SUMO2: variants seen among roughly 807,000 people sequenced by gnomAD.
The protein encoded by SUMO2 is small ubiquitin like modifier 2.
A neutral mutation model predicts 16.0 loss-of-function variants in SUMO2; 1 was observed. The observed-to-expected ratio is 0.06, with a 90% confidence interval of 0.02 to 0.30. The LOEUF (loss-of-function observed/expected upper bound fraction) is 0.30. SUMO2 is among the 10% of genes least tolerant of loss of function. SUMO2 has a pLI of 1.00. For synonymous variants in SUMO2, 36 were observed against 40.6 expected, an observed-to-expected ratio of 0.89 and a Z score of 0.43; for missense variants, 16 against 117.5, an observed-to-expected ratio of 0.14 and a Z score of 3.99.
intron 2 of SUMO2, among the ~76,000 whole-genome samples, chr17:75,177,171 CA>C (rs55817377): frequency 0.083 from 9,231 of 111,514 alleles, 870 homozygotes; most frequent in African/African-American, 0.26. Flanking sequence ...ACTCTTGTCT[CA>C]AAAAAAAAAA....
intron 2 of SUMO2, among the ~76,000 whole-genome samples, chr17:75,176,765 A>T (rs2145222961): frequency 6.6e-6 from 1 of 152,244 alleles, no homozygotes; most frequent in East Asian, 1.9e-4. Flanking sequence ...TAAAAAACAC[A>T]CTTCAGGAGA....
At chr17:75,179,655 T>C (rs1432598925) in intron 2 of SUMO2, among the ~76,000 whole-genome samples, 1 of 151,488 alleles carries the variant, frequency 6.6e-6, no homozygotes, top group African/African-American at 2.4e-5. Flanking sequence ...TCAAACATTC[T>C]AAAGTTTTTT....
chr17:75,171,847 T>C (rs950185712), intron 3 of SUMO2, among the ~76,000 whole-genome samples: 2 of 152,114 alleles, frequency 1.3e-5, no homozygotes, highest in African/African-American at 4.8e-5. Context: ...TTACTATTTC[T>C]TTTAAAACCA....
At chr17:75,176,080 G>A (rs117162506) in intron 2 of SUMO2, among the ~76,000 whole-genome samples, 2,353 of 151,564 alleles carry the variant, frequency 0.016, 35 homozygotes, top group Non-Finnish European at 0.025. Context: ...TCGCTCTGTC[G>A]CCCAGGCTGG....
In SUMO2 at chr17:75,168,118, T is replaced by G; in HGVS notation, c.*221A>C. ...ACTTGATGTCAATCAAAACATACCA[T>G]TGGCTGTTTAGTTAAAAAAAAAAAA... On this transcript the variant is annotated 3_prime_UTR_variant, in exon 4 of 4. Transcript: ENST00000420826. 1 of 395,056 alleles carries G rather than the reference T, an allele frequency of 2.5e-6. No individual in the cohort carries two copies. The highest frequency in any genetic ancestry group is 4.5e-6 in the Non-Finnish European group (1 of 224,524). The allele number at this position is 395,056 out of a possible 1,614,324, so 24.5% of individuals were successfully genotyped here. A position where few individuals can be genotyped will look rare whatever the true frequency, so the allele number is the denominator to read the frequency against.
chr17:75,182,708 G>C (rs1160882277), intron 1 of SUMO2, 106 bp downstream of exon 1: 3 of 1,024,448 alleles, frequency 2.9e-6, no homozygotes, highest in Non-Finnish European at 3.8e-6. Context: ...GGCCCCGTGG[G>C]GGGCCCGGGA....
In SUMO2 at chr17:75,172,810, G is replaced by A. The variant is rs995528133; in HGVS notation, c.225+1942C>T. Among the ~76,000 whole-genome samples the A allele has an allele frequency of 2.6e-5, 4 of 151,718 alleles. 1 individual carries two copies. In the South Asian group the frequency reaches 6.3e-4, roughly 24 times the overall value. On this transcript the variant is annotated intron_variant, in intron 3 of 3. Coordinates refer to ENST00000420826, the MANE Select transcript of SUMO2 (RefSeq NM_006937.4). ...AATTTTTGTATTTTTTGGCAGACAC[G>A]GGGTTTCACCATATTGTCCAGGCTG... is the stretch of plus-strand genomic sequence containing the variant.
At position 75,165,704 on chromosome 17, in the gene SUMO2, T is replaced by C. The variant is rs1158119261; in HGVS notation, c.*2635A>G. 2 of 151,872 alleles carry C rather than the reference T, an allele frequency of 1.3e-5. No individual in the cohort carries two copies. The highest frequency in any genetic ancestry group is 2.9e-5 in the Non-Finnish European group (2 of 67,934). The allele number at this position is 151,872 out of a possible 1,614,324, so 9.4% of individuals were successfully genotyped here. ...TAGTCACCGTCTATTTCACAACTTTTCTGGAACTTGGCTTTCTCATCTATA... is the reference window on the plus strand; with the variant it reads ...TAGTCACCGTCTATTTCACAACTTTCCTGGAACTTGGCTTTCTCATCTATA... On this transcript the variant is annotated 3_prime_UTR_variant, in exon 4 of 4. Coordinates refer to ENST00000420826, the MANE Select transcript of SUMO2 (RefSeq NM_006937.4).
At chr17:75,181,634 C>T (rs908290032) in intron 1 of SUMO2, among the ~76,000 whole-genome samples, 4 of 152,096 alleles carry the variant, frequency 2.6e-5, no homozygotes, top group Non-Finnish European at 1.5e-5. Context: ...TTACCGTTGT[C>T]ATTAAAAAGT....
chr17:75,180,420 A>AAAAAAAAC, intron 2 of SUMO2, among the ~76,000 whole-genome samples: 1 of 138,906 alleles, frequency 7.2e-6, no homozygotes, highest in East Asian at 2.2e-4. Context: ...AAAAAAAAAA[A>AAAAAAAAC]ACGACTTCTT....
chr17:75,174,272 C>G (rs967348245), intron 3 of SUMO2, among the ~76,000 whole-genome samples: 2 of 152,146 alleles, frequency 1.3e-5, no homozygotes, highest in Non-Finnish European at 2.9e-5. Flanking sequence ...TGCCTGTAAT[C>G]CCAGCTACTC....
intron 2 of SUMO2, 84 bp downstream of exon 2, chr17:75,180,973 G>A (rs1335264695): frequency 1.3e-6 from 2 of 1,525,854 alleles, no homozygotes; most frequent in Admixed American, 3.5e-5. Context: ...TCACTGTAAT[G>A]TGCTAGTCTA....
intron 2 of SUMO2, among the ~76,000 whole-genome samples, chr17:75,179,783 G>A (rs1016423779): frequency 2.0e-5 from 3 of 151,624 alleles, no homozygotes; most frequent in Non-Finnish European, 4.4e-5. Flanking sequence ...CTCAGCCTCC[G>A]GAGTAGGTGG....
At chr17:75,175,165 T>C (rs528508996) in intron 2 of SUMO2, among the ~76,000 whole-genome samples, 24 of 152,028 alleles carry the variant, frequency 1.6e-4, no homozygotes, top group Non-Finnish European at 3.4e-4. Context: ...GTAGTTTTAG[T>C]AGAGACTGGG....
intron 2 of SUMO2, among the ~76,000 whole-genome samples, chr17:75,179,816 G>A (rs1470479099): frequency 4.6e-5 from 7 of 151,916 alleles, no homozygotes; most frequent in Non-Finnish European, 1.0e-4. Flanking sequence ...GTAACACCAC[G>A]CCCAGCTAAT....
intron 3 of SUMO2, among the ~76,000 whole-genome samples, chr17:75,170,621 G>A (rs188797112): frequency 2.6e-5 from 4 of 151,222 alleles, no homozygotes; most frequent in South Asian, 4.2e-4. Context: ...CACGGCAGGC[G>A]TGGTGGCTCA....
intron 2 of SUMO2, among the ~76,000 whole-genome samples, chr17:75,176,940 T>C (rs1366905205): frequency 6.6e-6 from 1 of 151,924 alleles, no homozygotes; most frequent in Non-Finnish European, 1.5e-5. Context: ...TCCTAGCACC[T>C]TGGGAGACTG....
At chr17:75,178,739 T>C (rs2074804085) in intron 2 of SUMO2, among the ~76,000 whole-genome samples, 1 of 151,910 alleles carries the variant, frequency 6.6e-6, no homozygotes, top group Non-Finnish European at 1.5e-5. Context: ...CACCTAATTT[T>C]TTTTTAAGAG....
At position 75,176,424 on chromosome 17, in the gene SUMO2, T is replaced by C. The variant is rs148092157; in HGVS notation, c.154-1601A>G. On this transcript the variant is annotated intron_variant, in intron 2 of 3. Coordinates refer to ENST00000420826, the MANE Select transcript of SUMO2 (RefSeq NM_006937.4). ...TGAGGTCTGGAGTTCAAGATCAGCC[T>C]GGCCAATATGGTGAAACCCCGCCTC... Among the ~76,000 whole-genome samples, 852 of 151,992 alleles carry C rather than the reference T, an allele frequency of 5.6e-3. 7 individuals are homozygous for C. The highest frequency in any genetic ancestry group is 0.019 in the African/African-American group (802 of 41,502).
Sources: gnomAD v4.1 joint callset for allele counts (sites outside exome capture counted in the v4.1 genomes callset) on GRCh38, gnomAD v4.1.1 for gene constraint, MANE v1.5 for transcripts, NCBI Gene and HGNC (gene_info 2026-07-23, HGNC 2026-07-21) for gene names.